The following DSCAML1 variants were observed in gnomAD, a reference collection of about 807,000 sequenced individuals.
DSCAML1 encodes the protein DS cell adhesion molecule like 1.
A neutral mutation model predicts 200.5 loss-of-function variants in DSCAML1; 38 were observed. The ratio of observed to expected loss-of-function variants is 0.19; its 90% CI spans 0.15 to 0.25. The LOEUF (loss-of-function observed/expected upper bound fraction) is 0.25, where lower values mean the gene tolerates loss of function less well. Ranked by LOEUF, DSCAML1 falls within the 10% of genes least tolerant of loss-of-function variation. The probability of loss-of-function intolerance (pLI) is 1.00; values close to 1 mark genes in which losing one functional copy is unlikely to be tolerated. For synonymous variants in DSCAML1, 1,215 were observed against 1,165.0 expected (o/e 1.04, Z -0.87); for missense variants, 2,223 against 2,858.8 (o/e 0.78, Z 5.07).
upstream of DSCAML1, chr11:117,797,257 C>T (rs1026848415): frequency 4.5e-5 from 65 of 1,431,426 alleles, no homozygotes; most frequent in Middle Eastern, 4.6e-4. Context: ...CGGCTCCTGT[C>T]ATCCGCGGGG....
chr11:117,677,314 A>G (rs2053232366), intron 3 of DSCAML1, among the ~76,000 whole-genome samples: 2 of 152,308 alleles, frequency 1.3e-5, no homozygotes, highest in South Asian at 2.1e-4. Context: ...TGAGCCCATC[A>G]CAGCTCCAGT....
Position 117,439,408 on chromosome 11 carries a change from C to T in DSCAML1, c.4002G>A (p.Val1334=). The change falls in exon 23 of 33, where the codon GTG becomes GTA. Residue 1334 remains valine, a synonymous_variant. Transcript: ENST00000651296. The stretch of plus-strand genomic sequence containing the variant: ...GGATGAGCCGGTGCCCATCCATGGA[C>T]ACTGGAATGGCCGAGTCTTCACTGC... The part of the protein sequence containing the change: ...TKDSEDSAIP[V]SMDGHRLIHT... 3 of 1,613,320 alleles carry T rather than the reference C, an allele frequency of 1.9e-6. No individual in the cohort carries two copies. In the South Asian group the frequency reaches 3.3e-5, roughly 18 times the overall value.
intron 32 of DSCAML1, 127 bp downstream of exon 32, chr11:117,430,595 G>A: frequency 9.0e-7 from 1 of 1,105,632 alleles, no homozygotes; most frequent in Non-Finnish European, 1.3e-6. Context: ...GTACCACCCT[G>A]CACTGCCAAG....
At position 117,503,320 on chromosome 11, in the gene DSCAML1, G is replaced by A. The variant is rs1053505246; in HGVS notation, c.2359+525C>T. Among the ~76,000 whole-genome samples the A allele has an allele frequency of 1.6e-4, 24 of 152,086 alleles. No homozygotes were observed. The highest frequency in any genetic ancestry group is 2.4e-4 in the African/African-American group (10 of 41,398). On this transcript the variant is annotated intron_variant, in intron 11 of 32. Transcript: ENST00000651296. The surrounding 1 kb of genome is among the most constrained non-coding windows in gnomAD (Gnocchi z 5.2). ...TCAGTGGGCTGGGAAGGGAACCCTCGTACAGGTGAGGAAACTGGAGCACAG... is the reference window on the plus strand; with the variant it reads ...TCAGTGGGCTGGGAAGGGAACCCTCATACAGGTGAGGAAACTGGAGCACAG...
At chr11:117,718,013 G>A (rs2053981844) in intron 3 of DSCAML1, among the ~76,000 whole-genome samples, 1 of 152,162 alleles carries the variant, frequency 6.6e-6, no homozygotes, top group Non-Finnish European at 1.5e-5. Context: ...TGTCAACAAG[G>A]CCCAGCTCAA....
Position 117,532,615 on chromosome 11 carries a change from CACAA to C in DSCAML1, c.512-97_512-94del, listed in dbSNP as rs2050103392. The C allele has an allele frequency of 6.3e-6, 8 of 1,277,820 alleles. No individual in the cohort carries two copies. In the East Asian group the frequency reaches 1.2e-4, roughly 19 times the overall value. The allele number at this position is 1,277,820 out of a possible 1,614,324, so 79.2% of individuals were successfully genotyped here. A position where few individuals can be genotyped will look rare whatever the true frequency, so the allele number is the denominator to read the frequency against. ...TCTCTGACAGATGAGGATTTTCACA[CACAA>C]ACAAAATGACAAATAGAAATGGTAG... On this transcript the variant is annotated intron_variant, in intron 3 of 32. Transcript: ENST00000651296.
At chr11:117,490,492 GC>G (rs1464895821) in intron 11 of DSCAML1, among the ~76,000 whole-genome samples, 1 of 152,104 alleles carries the variant, frequency 6.6e-6, no homozygotes, top group Non-Finnish European at 1.5e-5. Flanking sequence ...CTCCTACTTG[GC>G]CCCTACTTAG....
At chr11:117,500,660 T>A (rs1248078509) in intron 11 of DSCAML1, among the ~76,000 whole-genome samples, 1 of 152,184 alleles carries the variant, frequency 6.6e-6, no homozygotes, top group Non-Finnish European at 1.5e-5. Context: ...ATCACCACAC[T>A]TTATTGACCT....
At chr11:117,481,123 C>T (rs1415677096) in intron 13 of DSCAML1, 51 bp downstream of exon 13, 8 of 1,561,428 alleles carry the variant, frequency 5.1e-6, no homozygotes, top group Non-Finnish European at 6.2e-6. Context: ...TAGCGGTGGG[C>T]CCCTGGGCCC....
intron 20 of DSCAML1, among the ~76,000 whole-genome samples, chr11:117,446,590 C>T (rs2048181743): frequency 6.6e-6 from 1 of 152,082 alleles, no homozygotes; most frequent in Non-Finnish European, 1.5e-5. Flanking sequence ...CATATACAAC[C>T]TAACTAGTAA....
intron 3 of DSCAML1, among the ~76,000 whole-genome samples, chr11:117,675,470 A>ATTTTTTTTTT (rs533948278): frequency 1.0e-5 from 1 of 96,906 alleles, no homozygotes; most frequent in Non-Finnish European, 1.9e-5. Context: ...GCTGATTGAA[A>ATTTTTTTTTT]TTTTTTTTTT....
chr11:117,539,277 A>C (rs1181502536), intron 3 of DSCAML1, among the ~76,000 whole-genome samples: 1 of 152,104 alleles, frequency 6.6e-6, no homozygotes, highest in Admixed American at 6.6e-5. Flanking sequence ...TTGTCCTGCT[A>C]ATCACTATTT....
chr11:117,556,376 G>C (rs1448235348), intron 3 of DSCAML1, among the ~76,000 whole-genome samples: 2 of 152,192 alleles, frequency 1.3e-5, no homozygotes, highest in African/African-American at 4.8e-5. Flanking sequence ...GAGGGCCACA[G>C]AAGGTTTCTG....
chr11:117,658,292 T>C (rs1447754569), intron 3 of DSCAML1, among the ~76,000 whole-genome samples: 2 of 152,138 alleles, frequency 1.3e-5, no homozygotes, highest in Non-Finnish European at 2.9e-5. Flanking sequence ...GCTTGAACAG[T>C]TTGCCAGCGC....
chr11:117,429,818 ATTG>A, intron 32 of DSCAML1, among the ~76,000 whole-genome samples: 1 of 152,158 alleles, frequency 6.6e-6, no homozygotes, highest in African/African-American at 2.4e-5. Flanking sequence ...AGATTTTCTT[ATTG>A]AATCCTCACG....
intron 11 of DSCAML1, among the ~76,000 whole-genome samples, chr11:117,487,159 A>G (rs1046852459): frequency 6.6e-6 from 1 of 151,964 alleles, no homozygotes; most frequent in Non-Finnish European, 1.5e-5. Flanking sequence ...TCCTGATCTC[A>G]GGTGATCCAC....
At chr11:117,618,807 G>A (rs987281842) in intron 3 of DSCAML1, among the ~76,000 whole-genome samples, 3 of 152,138 alleles carry the variant, frequency 2.0e-5, no homozygotes, top group Non-Finnish European at 4.4e-5. Flanking sequence ...CTCTTGCTAC[G>A]GAGGCTGTGT....
At chr11:117,574,530 C>A (rs190687679) in intron 3 of DSCAML1, among the ~76,000 whole-genome samples, 7 of 152,244 alleles carry the variant, frequency 4.6e-5, no homozygotes, top group Non-Finnish European at 8.8e-5. Flanking sequence ...GATGCAGGGG[C>A]CCTTTAGCAT....
chr11:117,564,382 C>G (rs2050716792), intron 3 of DSCAML1, among the ~76,000 whole-genome samples: 1 of 152,168 alleles, frequency 6.6e-6, no homozygotes, highest in Non-Finnish European at 1.5e-5. Context: ...TGTTTTTATT[C>G]ACCAGAGAAC....
Sources: allele counts gnomAD v4.1 joint callset (sites outside exome capture counted in the v4.1 genomes callset), GRCh38; gene constraint gnomAD v4.1.1; non-coding constraint Gnocchi (gnomAD v3.1); transcripts MANE v1.5; gene names NCBI Gene and HGNC (gene_info 2026-07-23, HGNC 2026-07-21).